Variants in JMJD1C observed in about 807,000 individuals in gnomAD.
JMJD1C encodes jumonji domain-containing protein 1C.
Under a neutral mutation model 245.3 loss-of-function variants are expected in JMJD1C, and 31 were observed. That is an observed-to-expected ratio of 0.13 (90% CI 0.09 to 0.17). The LOEUF is 0.17. Ranked by LOEUF, JMJD1C falls within the 10% of genes least tolerant of loss-of-function variation. The pLI, the probability that JMJD1C is intolerant of heterozygous loss-of-function variation, is 1.00. For missense variants in JMJD1C, 2,691 were observed against 3,000.2 expected (o/e 0.90, Z 2.41); for synonymous variants, 1,057 against 1,017.4 (o/e 1.04, Z -0.74).
intron 2 of JMJD1C, among the ~76,000 whole-genome samples, chr10:63,376,628 A>C (rs934059200): frequency 2.0e-5 from 3 of 152,240 alleles, no homozygotes; most frequent in Non-Finnish European, 4.4e-5. Context: ...TTATGAATAG[A>C]TATTTCTCAA....
chr10:63,401,313 CAA>C (rs1398272777), intron 1 of JMJD1C, among the ~76,000 whole-genome samples: 1 of 152,138 alleles, frequency 6.6e-6, no homozygotes, highest in Non-Finnish European at 1.5e-5. Flanking sequence ...TAATTCAGTT[CAA>C]AAAGACTTAA....
In JMJD1C at chr10:63,453,596, C is replaced by T. The variant is rs147039064; in HGVS notation, c.168+11899G>A. Among the ~76,000 whole-genome samples the T allele has an allele frequency of 3.3e-5, 5 of 152,198 alleles. No homozygotes were observed. The East Asian group carries it at 9.7e-4, about 29-fold the overall frequency. On this transcript the variant is annotated intron_variant, in intron 1 of 25. Transcript: ENST00000399262. The stretch of plus-strand genomic sequence containing the variant: ...TTAGAAAGAATTTCTTAAGCTGAAA[C>T]AAAGGCCTGATGCCAAAGGAAAAAT...
At chr10:63,288,889 CAATAATAATAATAATAATAAT>C (rs61651313) in intron 2 of JMJD1C, among the ~76,000 whole-genome samples, 1 of 139,624 alleles carries the variant, frequency 7.2e-6, no homozygotes, top group Non-Finnish European at 1.5e-5. Context: ...AATAATAATA[CAATAATAATAATAATAATAAT>C]AATAATAATA....
intron 3 of JMJD1C, among the ~76,000 whole-genome samples, chr10:63,263,953 TACACATACACACACACAC>T (rs1357866148): frequency 2.1e-4 from 7 of 33,958 alleles, no homozygotes; most frequent in Admixed American, 1.1e-3. Context: ...AAAAAAAAAA[TACACATACACACACACAC>T]ACACACACAC....
intron 3 of JMJD1C, among the ~76,000 whole-genome samples, chr10:63,254,261 C>T (rs1853531987): frequency 1.3e-5 from 2 of 151,674 alleles, no homozygotes; most frequent in Admixed American, 1.3e-4. Flanking sequence ...GACTAGAAAA[C>T]ATCTTAATAT....
chr10:63,439,985 G>A (rs1054373915), intron 1 of JMJD1C, among the ~76,000 whole-genome samples: 1 of 152,178 alleles, frequency 6.6e-6, no homozygotes, highest in Non-Finnish European at 1.5e-5. Context: ...AGATATGAAA[G>A]CAACCTTAAT....
In JMJD1C at chr10:63,217,192, A is replaced by G. The variant is rs370772472; in HGVS notation, c.678+15T>C. ...CTTTTAAAATCTCTATAAAAATATT[A>G]GTGGAACTATTTACCTGATCATTCA... On this transcript the variant is annotated intron_variant, in intron 5 of 25. Coordinates refer to ENST00000399262, the MANE Select transcript of JMJD1C (RefSeq NM_032776.3). 8.1e-6 allele frequency: 13 copies of G among 1,595,834 alleles called. No individual in the cohort carries two copies. The highest frequency in any genetic ancestry group is 1.1e-5 in the South Asian group (1 of 87,270).
At chr10:63,232,010 G>C (rs1850081754) in intron 3 of JMJD1C, among the ~76,000 whole-genome samples, 2 of 151,984 alleles carry the variant, frequency 1.3e-5, no homozygotes, top group South Asian at 2.1e-4. Flanking sequence ...CTAATTTTTT[G>C]TATTTTTAGT....
At chr10:63,426,632 T>C (rs1416856754) in intron 1 of JMJD1C, among the ~76,000 whole-genome samples, 4 of 151,982 alleles carry the variant, frequency 2.6e-5, no homozygotes, top group Non-Finnish European at 2.9e-5. Context: ...GATCGCGCCA[T>C]TGCACTCCAG....
chr10:63,375,534 A>AGGTG (rs1946665390), intron 2 of JMJD1C, among the ~76,000 whole-genome samples: 1 of 57,060 alleles, frequency 1.8e-5, no homozygotes, highest in African/African-American at 5.7e-5. Context: ...TAATATTTAC[A>AGGTG]CGTGTGTGTG....
At chr10:63,185,872 ATC>A (rs1342651711) in intron 19 of JMJD1C, among the ~76,000 whole-genome samples, 1 of 152,234 alleles carries the variant, frequency 6.6e-6, no homozygotes, top group Non-Finnish European at 1.5e-5. Flanking sequence ...CACTTGTAAT[ATC>A]TCAAAAGTTG....
At chr10:63,274,065 C>A (rs1856567221) in intron 2 of JMJD1C, among the ~76,000 whole-genome samples, 1 of 151,992 alleles carries the variant, frequency 6.6e-6, no homozygotes, top group Non-Finnish European at 1.5e-5. Flanking sequence ...CTGACAAGTT[C>A]AATGATCTAG....
chr10:63,194,431 T>C, intron 13 of JMJD1C, 56 bp from the exon 14 acceptor site: 6 of 1,175,136 alleles, frequency 5.1e-6, no homozygotes, highest in South Asian at 1.2e-5. Context: ...TATAAATTGA[T>C]AGTGTAAAGA....
intron 2 of JMJD1C, among the ~76,000 whole-genome samples, chr10:63,349,913 A>T (rs1019936971): frequency 5.9e-5 from 9 of 152,190 alleles, no homozygotes; most frequent in Admixed American, 5.2e-4. Context: ...GTATCTACAT[A>T]AATTTTTTAA....
chr10:63,206,748 T>C lies in JMJD1C; in HGVS notation c.4921A>G (p.Arg1641Gly). Reference sequence around the variant, plus strand: ...GTTGGCTTAGGTTGTCTTTTAGTCCTTTGCTCTGACTTGCTTTCACTTTCA... The same window carrying C: ...GTTGGCTTAGGTTGTCTTTTAGTCCCTTGCTCTGACTTGCTTTCACTTTCA... The part of the protein sequence containing the change: ...SDESESKSEQ[R>G]TKRQPKPTYK... Residue 1641 changes from arginine to glycine, a missense_variant, in exon 10 of 26, where the codon AGG becomes GGG. By Grantham distance (125) the Arg-to-Gly change is moderately radical. This residue lies in a region of JMJD1C where 144 missense variants were observed against 143.3 expected (regional missense o/e 1.00). Coordinates refer to ENST00000399262, the MANE Select transcript of JMJD1C (RefSeq NM_032776.3). 1 of 1,613,582 alleles carries C rather than the reference T, an allele frequency of 6.2e-7. No individual in the cohort carries two copies. The highest frequency in any genetic ancestry group is 8.5e-7 in the Non-Finnish European group (1 of 1,179,900).
intron 1 of JMJD1C, among the ~76,000 whole-genome samples, chr10:63,416,160 C>T (rs980940107): frequency 1.3e-5 from 2 of 151,990 alleles, no homozygotes; most frequent in African/African-American, 2.4e-5. Flanking sequence ...ACGATACTTG[C>T]GATTAAATAA....
At chr10:63,278,531 T>C (rs765058344) in intron 2 of JMJD1C, among the ~76,000 whole-genome samples, 6 of 147,426 alleles carry the variant, frequency 4.1e-5, no homozygotes, top group Non-Finnish European at 6.0e-5. Context: ...TCCAAAAAAA[T>C]CAAAAGCAAG....
At chr10:63,265,138 T>C (rs1219851678) in intron 2 of JMJD1C, among the ~76,000 whole-genome samples, 2 of 149,764 alleles carry the variant, frequency 1.3e-5, no homozygotes, top group African/African-American at 5.1e-5. Flanking sequence ...TTTTTAACTG[T>C]ATTATTTCTT....
chr10:63,484,232 GGATGGATAGATAGATAGATA>G (rs200913837), intron 1 of JMJD1C, among the ~76,000 whole-genome samples: 26,628 of 93,258 alleles, frequency 0.29, 2,922 homozygotes, highest in South Asian at 0.45. Context: ...ATGGATGGAT[GGATGGATAGATAGATAGATA>G]GATAGATAGA....
Sources: gnomAD v4.1 joint callset for allele counts (sites outside exome capture counted in the v4.1 genomes callset) on GRCh38, gnomAD v4.1.1 for gene constraint, gnomAD v4.1.1 regional missense constraint, MANE v1.5 for transcripts, NCBI Gene and HGNC (gene_info 2026-07-23, HGNC 2026-07-21) for gene names.